The following CAMSAP3 variants were observed in gnomAD, a reference collection of about 807,000 sequenced individuals.
CAMSAP3 encodes the protein calmodulin regulated spectrin associated protein family member 3.
Under a neutral mutation model 112.5 loss-of-function variants are expected in CAMSAP3, and 34 were observed. That is an observed-to-expected ratio of 0.30 (90% CI 0.23 to 0.40). The LOEUF (loss-of-function observed/expected upper bound fraction) is 0.40, where lower values mean the gene tolerates loss of function less well. Ranked by LOEUF, CAMSAP3 falls within the 10% of genes least tolerant of loss-of-function variation. The pLI is 1.00. For synonymous variants in CAMSAP3, 868 were observed against 799.8 expected, an observed-to-expected ratio of 1.09 and a Z score of -1.44; for missense variants, 1,602 against 1,770.3, an observed-to-expected ratio of 0.90 and a Z score of 1.71.
chr19:7,616,213 A>C lies in CAMSAP3; in HGVS notation c.3113-310A>C, dbSNP rs867758870. Among the ~76,000 whole-genome samples, 477 of 148,606 alleles carry C rather than the reference A, an allele frequency of 3.2e-3. 5 individuals are homozygous for C. The highest frequency in any genetic ancestry group is 0.011 in the African/African-American group (447 of 40,024). The stretch of plus-strand genomic sequence containing the variant: ...GAAATAAGACAAAAAAAAAAAAAAA[A>C]GACTTCCATAGGGATGTGGGGTGCA... On this transcript the variant is annotated intron_variant, in intron 13 of 16. Transcript: ENST00000160298.
In CAMSAP3 at chr19:7,607,752, A is replaced by G. The variant is rs1835984833; in HGVS notation, c.622-374A>G. ...GGGTCAGGGCTACCCCCTCCCCCCC[A>G]AGGTGGGCTTGGGGGCCCAGCAGGT... On this transcript the variant is annotated intron_variant, in intron 4 of 16. Coordinates refer to ENST00000160298, the MANE Select transcript of CAMSAP3 (RefSeq NM_020902.2). This position sits in a 1 kb window ranked among gnomAD's most constrained non-coding sequence, Gnocchi z 4.9. 6 of 572,612 alleles carry G rather than the reference A, an allele frequency of 1.0e-5. No homozygotes were observed. 35.5% of individuals were successfully genotyped at this position (572,612 alleles called of 1,614,324 possible). A position where few individuals can be genotyped will look rare whatever the true frequency, so the allele number is the denominator to read the frequency against.
Position 7,618,193 on chromosome 19 carries a change from T to C in CAMSAP3, c.*136T>C, listed in dbSNP as rs2030917883. 5 of 960,968 alleles carry C rather than the reference T, an allele frequency of 5.2e-6. No homozygotes were observed. Among genetic ancestry groups the C allele is most frequent in the Non-Finnish European group, 7.6e-6 (5 of 660,412 alleles). 59.5% of individuals were successfully genotyped at this position (960,968 alleles called of 1,614,324 possible). On this transcript the variant is annotated 3_prime_UTR_variant, in exon 17 of 17. Coordinates refer to ENST00000160298, the MANE Select transcript of CAMSAP3 (RefSeq NM_020902.2). ...GGGCTGGAGTCTCCACCCTCTGACT[T>C]TGAGTCCAGTCCTGCTGTGGGGGCT...
rs2030532487 is a variant in CAMSAP3 at position 7,612,233 on chromosome 19, G to A, written c.1740G>A (p.Glu580=). 1 of 1,590,330 alleles carries A rather than the reference G, an allele frequency of 6.3e-7. No individual in the cohort carries two copies. ...AACAGCTGGTGAAGGCAGAGGCTGA[G>A]GCCGGAGCGGGGTCCCCCACGTCCA... is the stretch of plus-strand genomic sequence containing the variant. The part of the protein sequence containing the change: ...RKKQLVKAEA[E]AGAGSPTSTP... Residue 580 remains glutamate, a synonymous_variant, in exon 11 of 17, where the codon GAG becomes GAA. Coordinates refer to ENST00000160298, the MANE Select transcript of CAMSAP3 (RefSeq NM_020902.2).
chr19:7,596,050 T>A lies in CAMSAP3; in HGVS notation c.48T>A (p.Phe16Leu). ...GGCCCGGGCCGCTGCGGAGGACCTT[T>A]CTAGTGCCCGAGATCAAGTCGCTGG... ...PPGPGPLRRTFLVPEIKSLDQ... is the reference protein window; with the variant it reads ...PPGPGPLRRTLLVPEIKSLDQ... The change falls in exon 1 of 17, where the codon TTT (phenylalanine) becomes TTA (leucine). Residue 16 changes from phenylalanine (F) to leucine (L), a missense_variant. This residue lies in a region of CAMSAP3 where 147 missense variants were observed against 144.6 expected (regional missense o/e 1.02). Transcript: ENST00000160298. 7.9e-7 allele frequency: 1 copy of A among 1,267,746 alleles called. No homozygotes were observed. The highest frequency in any genetic ancestry group is 1.0e-6 in the Non-Finnish European group (1 of 979,776). The allele number at this position is 1,267,746 out of a possible 1,614,324, so 78.5% of individuals were successfully genotyped here.
chr19:7,606,782 T>C, intron 4 of CAMSAP3: 1 of 1,613,794 alleles, frequency 6.2e-7, no homozygotes, highest in South Asian at 1.1e-5. Flanking sequence ...CTCAGTGCCC[T>C]ACGCGCTGGT....
At chr19:7,606,136 G>GT in intron 2 of CAMSAP3, 135 bp from the exon 3 acceptor site, 1 of 511,796 alleles carries the variant, frequency 2.0e-6, no homozygotes, top group South Asian at 2.0e-5. Flanking sequence ...TGAACCACTG[G>GT]CCCCGCCCCC....
Position 7,610,031 on chromosome 19 carries a change from C to A in CAMSAP3, c.761-445C>A, listed in dbSNP as rs12459086. On this transcript the variant is annotated intron_variant, in intron 5 of 16. Transcript: ENST00000160298. The surrounding 1 kb of genome is among the most constrained non-coding windows in gnomAD (Gnocchi z 4.9). ...CCTAAGGACGGTCTATCATATAATT[C>A]ACCTCGGCCGGGTACAGTGGCTCAC... 0.021 allele frequency among the ~76,000 whole-genome samples: 3,216 copies of A among 152,134 alleles called. 150 individuals are homozygous for A. The highest frequency in any genetic ancestry group is 0.16 in the East Asian group (832 of 5,148).
At position 7,613,143 on chromosome 19, in the gene CAMSAP3, G is replaced by A; in HGVS notation, c.2650G>A (p.Gly884Arg). 1 of 1,537,898 alleles carries A rather than the reference G, an allele frequency of 6.5e-7. No individual in the cohort carries two copies. The highest frequency in any genetic ancestry group is 8.8e-7 in the Non-Finnish European group (1 of 1,140,188). The change falls in exon 11 of 17, where the codon GGG becomes AGG. Residue 884 changes from glycine to arginine, a missense_variant. Gly to Arg is a moderately radical substitution (Grantham distance 125). This residue lies in a region of CAMSAP3 where 1,100 missense variants were observed against 1,135.7 expected (regional missense o/e 0.97). Transcript: ENST00000160298. ...EASSEGEPRV[G>R]LGFFYKDEDK... is the part of the protein sequence containing the mutation. ...GTCTTCGGAGGGGGAGCCCCGGGTG[G>A]GGCTGGGGTTCTTCTACAAGGTGAG... is the stretch of plus-strand genomic sequence containing the variant.
At chr19:7,606,800 G>T in intron 4 of CAMSAP3, 1 of 1,613,808 alleles carries the variant, frequency 6.2e-7, no homozygotes. Context: ...GGTACTGGAA[G>T]CTGGTTCCTG....
rs754479028 is a variant in CAMSAP3 at position 7,612,995 on chromosome 19, C to T, written c.2502C>T (p.Pro834=). ...TCCTCCTGGCGGAGGAGACGCCCCC[C>T]GAGGAGCCAGCCGCCCGGCCGGGCC... The part of the protein sequence containing the change: ...SSILLAEETP[P]EEPAARPGLI... Residue 834 remains proline (P), a synonymous_variant, in exon 11 of 17, where the codon CCC becomes CCT. Transcript: ENST00000160298. 139 of 1,579,042 alleles carry T rather than the reference C, an allele frequency of 8.8e-5. No individual in the cohort carries two copies. Among genetic ancestry groups the T allele is most frequent in the Non-Finnish European group, 1.2e-4 (134 of 1,165,196 alleles).
Position 7,617,092 on chromosome 19 carries a change from G to A in CAMSAP3, c.3213-234G>A, listed in dbSNP as rs534435752. On this transcript the variant is annotated intron_variant, in intron 14 of 16. Transcript: ENST00000160298. The surrounding 1 kb of genome is among the most constrained non-coding windows in gnomAD (Gnocchi z 7.5). ...GCCTCCTGAGTAGCTGGGGTTACCC[G>A]TGCCTGTAGAGACGGTGTTTCACCA... Among the ~76,000 whole-genome samples the A allele has an allele frequency of 7.2e-5, 11 of 151,744 alleles. No homozygotes were observed. The highest frequency in any genetic ancestry group is 3.3e-4 in the Admixed American group (5 of 15,248).
Position 7,606,461 on chromosome 19 carries a change from C to T in CAMSAP3, c.526-15C>T, listed in dbSNP as rs1439490938. 2.1e-5 allele frequency: 34 copies of T among 1,604,906 alleles called. No homozygotes were observed. The highest frequency in any genetic ancestry group is 2.7e-5 in the Non-Finnish European group (32 of 1,178,938). On this transcript the variant is annotated splice_polypyrimidine_tract_variant and intron_variant, in intron 3 of 16. Transcript: ENST00000160298. ...GTCCAGTGGCCAGACCACTGACCCC[C>T]TCCCTGCCCTCCAGACCGTCCGGCG...
rs757923376 is a variant in CAMSAP3 at position 7,612,775 on chromosome 19, G to A, written c.2282G>A (p.Arg761Gln). The change falls in exon 11 of 17, where the codon CGG (arginine) becomes CAG (glutamine). Residue 761 changes from arginine (R) to glutamine (Q), a missense_variant. Physicochemically the swap from Arg to Gln is conservative, Grantham distance 43 (BLOSUM62 1). This residue lies in a region of CAMSAP3 where 1,100 missense variants were observed against 1,135.7 expected (regional missense o/e 0.97). Transcript: ENST00000160298. ...GPKAASPSPA[R>Q]RVPATRRSPG... ...AAAGCTGCATCCCCCAGCCCCGCCC[G>A]GCGAGTCCCGGCCACCCGGCGCAGC... 2 of 1,531,640 alleles carry A rather than the reference G, an allele frequency of 1.3e-6. No individual in the cohort carries two copies. The highest frequency in any genetic ancestry group is 8.7e-7 in the Non-Finnish European group (1 of 1,144,260). The allele number at this position is 1,531,640 out of a possible 1,614,324, so 94.9% of individuals were successfully genotyped here.
At position 7,616,524 on chromosome 19, in the gene CAMSAP3, C is replaced by T. The variant is rs61741424; in HGVS notation, c.3114C>T (p.Gly1038=). ...LARSPARGLL[G]SRLSKIYSQS... is the part of the protein sequence containing the mutation. ...CTGACCTGCAATCTCTGTCCCCAGG[C>T]TCTCGGCTGAGCAAAATCTATTCCC... Residue 1038 remains glycine (G), a splice_region_variant and synonymous_variant, in exon 14 of 17, where the codon GGC becomes GGT. Transcript: ENST00000160298. 1 of 1,612,092 alleles carries T rather than the reference C, an allele frequency of 6.2e-7. No homozygotes were observed. The highest frequency in any genetic ancestry group is 1.7e-5 in the Admixed American group (1 of 60,004).
chr19:7,602,054 A>G (rs2029992595), intron 1 of CAMSAP3, among the ~76,000 whole-genome samples: 1 of 149,386 alleles, frequency 6.7e-6, no homozygotes, highest in African/African-American at 2.5e-5. Flanking sequence ...ACAGAGCAAG[A>G]TTGTCTCAAA....
intron 14 of CAMSAP3, 47 bp downstream of exon 14, chr19:7,616,669 C>T (rs768485572): frequency 3.8e-5 from 53 of 1,399,042 alleles, no homozygotes; most frequent in Non-Finnish European, 5.3e-5. Context: ...GGTGGCTTCC[C>T]AGAGCCTGGG....
At position 7,607,943 on chromosome 19, in the gene CAMSAP3, C is replaced by T. The variant is rs2030301132; in HGVS notation, c.622-183C>T. The T allele has an allele frequency of 7.1e-6, 6 of 847,448 alleles. No homozygotes were observed. Among genetic ancestry groups the T allele is most frequent in the Non-Finnish European group, 1.2e-5 (6 of 509,600 alleles). 52.5% of individuals were successfully genotyped at this position (847,448 alleles called of 1,614,324 possible). ...CGCTGCTGGCCTGGCTGCTCGAAGA[C>T]ATCTCCTCTGCCTCTTGCTGCTGCC... On this transcript the variant is annotated intron_variant, in intron 4 of 16. Transcript: ENST00000160298. This position sits in a 1 kb window ranked among gnomAD's most constrained non-coding sequence, Gnocchi z 4.9.
intron 5 of CAMSAP3, 45 bp downstream of exon 5, chr19:7,608,309 C>G: frequency 6.3e-7 from 1 of 1,583,490 alleles, no homozygotes; most frequent in Non-Finnish European, 8.6e-7. Context: ...GGGAGCTGGG[C>G]ATCCTAAGTC....
rs2030395925 is a variant in CAMSAP3 at position 7,610,042 on chromosome 19, G to A, written c.761-434G>A. On this transcript the variant is annotated intron_variant, in intron 5 of 16. Transcript: ENST00000160298. This position sits in a 1 kb window ranked among gnomAD's most constrained non-coding sequence, Gnocchi z 4.9. ...TCTATCATATAATTCACCTCGGCCG[G>A]GTACAGTGGCTCACGCCTGTAATCC... Among the ~76,000 whole-genome samples the A allele has an allele frequency of 6.6e-6, 1 of 152,122 alleles. No homozygotes were observed. Among genetic ancestry groups the A allele is most frequent in the African/African-American group, 2.4e-5 (1 of 41,412 alleles).
Sources: gnomAD v4.1 joint callset for allele counts (sites outside exome capture counted in the v4.1 genomes callset) on GRCh38, gnomAD v4.1.1 for gene constraint, gnomAD v4.1.1 regional missense constraint, Gnocchi (gnomAD v3.1) non-coding constraint, MANE v1.5 for transcripts, NCBI Gene and HGNC (gene_info 2026-07-23, HGNC 2026-07-21) for gene names.